ADK: variants seen among roughly 807,000 people sequenced by gnomAD.
The protein encoded by ADK is N6,N6-dimethyladenosine kinase.
Under a neutral mutation model 44.7 loss-of-function variants are expected in ADK, and 24 were observed. The observed-to-expected ratio is 0.54, with a 90% CI of 0.39 to 0.76. The LOEUF (loss-of-function observed/expected upper bound fraction) is 0.76, where lower values mean the gene tolerates loss of function less well. Ranked by LOEUF, ADK falls within the 30% of genes least tolerant of loss-of-function variation. The pLI is 0.00. For synonymous variants in ADK, 128 were observed against 142.6 expected, an observed-to-expected ratio of 0.90 and a Z score of 0.73; for missense variants, 321 against 425.1, an observed-to-expected ratio of 0.76 and a Z score of 2.15.
intron 9 of ADK, among the ~76,000 whole-genome samples, chr10:74,616,606 C>T (rs981414486): frequency 1.3e-5 from 2 of 152,158 alleles, no homozygotes; most frequent in South Asian, 2.1e-4. Flanking sequence ...TGCACACTCT[C>T]ATGATAACTT....
At chr10:74,573,275 C>T (rs1030214648) in intron 7 of ADK, among the ~76,000 whole-genome samples, 30 of 152,292 alleles carry the variant, frequency 2.0e-4, no homozygotes, top group African/African-American at 7.0e-4. Flanking sequence ...CCACTCCAGA[C>T]CCTGTTTGCC....
In ADK at chr10:74,497,655, A is replaced by T. The variant is rs1467796555; in HGVS notation, c.556-27601A>T. ...ATATATACTATAATGTTAGGTAGTGATTAATGCTATGTTTTAAAAAAATAA... is the reference window on the plus strand; with the variant it reads ...ATATATACTATAATGTTAGGTAGTGTTTAATGCTATGTTTTAAAAAAATAA... On this transcript the variant is annotated intron_variant, in intron 6 of 10. Transcript: ENST00000539909. Among the ~76,000 whole-genome samples the T allele has an allele frequency of 2.0e-5, 3 of 152,318 alleles. No individual in the cohort carries two copies. In the East Asian group the frequency reaches 5.8e-4, roughly 29 times the overall value.
At chr10:74,373,858 TA>T (rs1842743402) in intron 4 of ADK, among the ~76,000 whole-genome samples, 1 of 152,146 alleles carries the variant, frequency 6.6e-6, no homozygotes, top group African/African-American at 2.4e-5. Context: ...GCATTATGTA[TA>T]ATAGCCTAAA....
At chr10:74,615,151 GAGAA>G (rs996681824) in intron 9 of ADK, among the ~76,000 whole-genome samples, 2 of 152,146 alleles carry the variant, frequency 1.3e-5, no homozygotes, top group African/African-American at 4.8e-5. Flanking sequence ...ACCCTTGTAT[GAGAA>G]AGAGATTTAC....
intron 3 of ADK, among the ~76,000 whole-genome samples, chr10:74,241,691 A>T (rs1845215775): frequency 6.6e-6 from 1 of 151,382 alleles, no homozygotes; most frequent in African/African-American, 2.4e-5. Context: ...CAGCCGATAA[A>T]ACTCTTAGAA....
At chr10:74,188,662 C>A (rs10762581) in intron 1 of ADK, among the ~76,000 whole-genome samples, 111,850 of 151,912 alleles carry the variant, frequency 0.74, 41,884 homozygotes, top group Middle Eastern at 0.85. Flanking sequence ...ACCTTGCTCT[C>A]CTCTTGTGGA....
At chr10:74,453,248 G>A (rs1025230535) in intron 6 of ADK, among the ~76,000 whole-genome samples, 4 of 151,996 alleles carry the variant, frequency 2.6e-5, no homozygotes, top group East Asian at 3.8e-4. Context: ...TACTCAACAC[G>A]TAAGACAAAG....
chr10:74,440,596 G>C (rs1313414698), intron 6 of ADK, among the ~76,000 whole-genome samples: 1 of 151,912 alleles, frequency 6.6e-6, no homozygotes, highest in Admixed American at 6.6e-5. Context: ...TAAAAATAAA[G>C]ATATTGTTTT....
chr10:74,348,236 G>C (rs1269218506), intron 4 of ADK, among the ~76,000 whole-genome samples: 1 of 152,162 alleles, frequency 6.6e-6, no homozygotes, highest in Non-Finnish European at 1.5e-5. Flanking sequence ...CTAGAGGAAG[G>C]ACCAGGCAAC....
rs915433699 is a variant in ADK, at chr10:74,598,441, C to CTT, written c.763-1912_763-1911dup. Among the ~76,000 whole-genome samples the CTT allele has an allele frequency of 8.1e-4, 91 of 111,752 alleles. 2 individuals are homozygous for CTT. The highest frequency in any genetic ancestry group is 1.2e-3 in the Non-Finnish European group (65 of 54,948). The allele number at this position is 111,752 out of a possible 152,430, so 73.3% of individuals were successfully genotyped here. A position where few individuals can be genotyped will look rare whatever the true frequency, so the allele number is the denominator to read the frequency against. ...AGAAAGCAACCATGGAATCTTATTCCTTTTTTTTTTTTTTTTTTTTTTTTT... is the reference window on the plus strand; with the variant it reads ...AGAAAGCAACCATGGAATCTTATTCCTTTTTTTTTTTTTTTTTTTTTTTTTTT... On this transcript the variant is annotated intron_variant, in intron 8 of 10. Transcript: ENST00000539909.
intron 3 of ADK, among the ~76,000 whole-genome samples, chr10:74,229,007 A>G (rs1844649324): frequency 6.6e-6 from 1 of 152,202 alleles, no homozygotes; most frequent in African/African-American, 2.4e-5. Flanking sequence ...TAAGCAGTGT[A>G]TACTGTTCTA....
At chr10:74,273,430 C>A (rs573289383) in intron 3 of ADK, among the ~76,000 whole-genome samples, 43 of 151,916 alleles carry the variant, frequency 2.8e-4, no homozygotes, top group Non-Finnish European at 5.4e-4. Context: ...CTGCCCAATT[C>A]GGCTTTCTTC....
intron 10 of ADK, among the ~76,000 whole-genome samples, chr10:74,693,576 C>T (rs148604652): frequency 2.4e-4 from 28 of 117,448 alleles, no homozygotes; most frequent in African/African-American, 7.6e-4. Flanking sequence ...TAGGAATCCC[C>T]CCGGCATTCC....
intron 6 of ADK, among the ~76,000 whole-genome samples, chr10:74,507,438 C>A (rs975751450): frequency 3.3e-5 from 5 of 151,714 alleles, no homozygotes; most frequent in African/African-American, 1.2e-4. Context: ...CATGGTAAAA[C>A]CCCATCTCTA....
intron 6 of ADK, among the ~76,000 whole-genome samples, chr10:74,427,790 C>T (rs1844853357): frequency 6.6e-6 from 1 of 151,766 alleles, no homozygotes; most frequent in South Asian, 2.1e-4. Context: ...AGCTCTATTG[C>T]TGAAAGAGCA....
intron 7 of ADK, among the ~76,000 whole-genome samples, chr10:74,586,596 G>C (rs1434493452): frequency 6.6e-6 from 1 of 152,058 alleles, no homozygotes; most frequent in Non-Finnish European, 1.5e-5. Flanking sequence ...ACTCATACCT[G>C]TAATCCCAGA....
chr10:74,166,803 A>C (rs1158865634), intron 1 of ADK, among the ~76,000 whole-genome samples: 3 of 152,098 alleles, frequency 2.0e-5, no homozygotes, highest in Admixed American at 6.5e-5. Flanking sequence ...GCTTTCACTC[A>C]GTTCTGAGGT....
chr10:74,430,978 A>C (rs1193656007), intron 6 of ADK, among the ~76,000 whole-genome samples: 1 of 149,488 alleles, frequency 6.7e-6, no homozygotes, highest in East Asian at 2.0e-4. Context: ...AGCATGGGGA[A>C]CTATTAAGAG....
intron 7 of ADK, among the ~76,000 whole-genome samples, chr10:74,573,103 T>G (rs1360024272): frequency 6.6e-6 from 1 of 152,040 alleles, no homozygotes; most frequent in Non-Finnish European, 1.5e-5. Flanking sequence ...TTCCAGTTTT[T>G]CTGCTCTGTT....
Sources: gnomAD v4.1 joint callset for allele counts (sites outside exome capture counted in the v4.1 genomes callset) on GRCh38, gnomAD v4.1.1 for gene constraint, MANE v1.5 for transcripts, NCBI Gene and HGNC (gene_info 2026-07-23, HGNC 2026-07-21) for gene names.